The following ADAMTSL1 variants were observed in gnomAD, a reference collection of about 807,000 sequenced individuals.
ADAMTSL1 encodes ADAMTS-like protein 1.
A neutral mutation model predicts 201.8 loss-of-function variants in ADAMTSL1; 126 were observed. That is an observed-to-expected ratio of 0.62 (90% CI 0.54 to 0.72). The LOEUF is 0.72. ADAMTSL1 is among the 30% of genes least tolerant of loss of function. ADAMTSL1 has a pLI of 0.00. For missense variants in ADAMTSL1, 2,679 were observed against 2,277.8 expected, an observed-to-expected ratio of 1.18 and a Z score of -3.59; for synonymous variants, 1,121 against 903.4, an observed-to-expected ratio of 1.24 and a Z score of -4.32.
chr9:18,315,024 C>G (rs1834320697), intron 2 of ADAMTSL1, among the ~76,000 whole-genome samples: 1 of 151,528 alleles, frequency 6.6e-6, no homozygotes, highest in Non-Finnish European at 1.5e-5. Context: ...TCTCGATCTC[C>G]TGACCTCGTG....
At chr9:18,882,991 CAAA>C (rs34408343) in intron 23 of ADAMTSL1, among the ~76,000 whole-genome samples, 3,549 of 113,654 alleles carry the variant, frequency 0.031, 98 homozygotes, top group South Asian at 0.15. Context: ...GAGCCTGCCT[CAAA>C]AAAAAAAAAA....
At chr9:18,062,719 C>T (rs1822514266) in intron 1 of ADAMTSL1, among the ~76,000 whole-genome samples, 1 of 151,680 alleles carries the variant, frequency 6.6e-6, no homozygotes, top group African/African-American at 2.4e-5. Flanking sequence ...ATATTTTATC[C>T]CTTCAATCTG....
At chr9:18,695,660 T>C (rs1184071082) in intron 13 of ADAMTSL1, among the ~76,000 whole-genome samples, 3 of 152,234 alleles carry the variant, frequency 2.0e-5, no homozygotes, top group African/African-American at 7.2e-5. Context: ...ACTAGCATTT[T>C]GATTACAACA....
At chr9:18,139,099 G>A (rs572001877) in intron 1 of ADAMTSL1, among the ~76,000 whole-genome samples, 1 of 152,272 alleles carries the variant, frequency 6.6e-6, no homozygotes, top group South Asian at 2.1e-4. Context: ...ATGTCTTCCT[G>A]TAACATCTTA....
chr9:17,919,485 C>T lies in ADAMTSL1; in HGVS notation c.87+12563C>T, dbSNP rs370439054. On this transcript the variant is annotated intron_variant, in intron 1 of 29. Transcript: ENST00000680146. ...ACCCTTTATATCACCCCCTTACTTC[C>T]CTCCCACCCTAGCCTAAACAACCAC... Among the ~76,000 whole-genome samples the T allele has an allele frequency of 3.0e-4, 46 of 152,008 alleles. No individual in the cohort carries two copies. In the East Asian group the frequency reaches 6.2e-3, roughly 20 times the overall value.
In ADAMTSL1 at chr9:18,635,988, G is replaced by A. The variant is rs201225408; in HGVS notation, c.647G>A (p.Arg216His). Residue 216 changes from arginine (R) to histidine (H), a missense_variant, in exon 6 of 29, where the codon CGC becomes CAC. Transcript: ENST00000380548. ...VAIPYGSRHI[R>H]LVLKGPDHLY... is the part of the protein sequence containing the mutation. ...ATTCCCTATGGAAGTAGACATATTC[G>A]CCTTGTCTTAAAAGGTCCTGATCAC... 1.4e-4 allele frequency: 219 copies of A among 1,602,088 alleles called. 1 individual carries two copies. The East Asian group carries it at 2.6e-3, about 19-fold the overall frequency.
At position 18,646,820 on chromosome 9, in the gene ADAMTSL1, T is replaced by C. The variant is rs1236318708; in HGVS notation, c.834+7409T>C. 4.6e-5 allele frequency among the ~76,000 whole-genome samples: 7 copies of C among 152,136 alleles called. No homozygotes were observed. In the South Asian group the frequency reaches 1.4e-3, roughly 31 times the overall value. On this transcript the variant is annotated intron_variant, in intron 7 of 28. Coordinates refer to ENST00000380548, the MANE Select transcript of ADAMTSL1 (RefSeq NM_001040272.6). ...ATTTTATTGAGGATTTTTGCATCAA[T>C]GTTCATCAAGGATATTGGTCTAAAA... is the stretch of plus-strand genomic sequence containing the variant.
chr9:18,089,792 CT>C (rs1823928230), intron 1 of ADAMTSL1, among the ~76,000 whole-genome samples: 1 of 152,092 alleles, frequency 6.6e-6, no homozygotes. Context: ...ATAGAATATA[CT>C]TTCAGTCACG....
intron 4 of ADAMTSL1, among the ~76,000 whole-genome samples, chr9:18,608,760 G>T (rs1825192096): frequency 6.6e-6 from 1 of 152,044 alleles, no homozygotes; most frequent in South Asian, 2.1e-4. Context: ...AAATCAGCCA[G>T]CTCACTTTTC....
intron 2 of ADAMTSL1, among the ~76,000 whole-genome samples, chr9:18,274,027 A>C (rs4355888): frequency 0.31 from 47,751 of 152,102 alleles, 9,378 homozygotes; most frequent in South Asian, 0.45. Flanking sequence ...TGACCTATTT[A>C]AACTTTAGGT....
chr9:18,674,160 T>G (rs931719708), intron 9 of ADAMTSL1, among the ~76,000 whole-genome samples: 2 of 151,582 alleles, frequency 1.3e-5, no homozygotes, highest in Non-Finnish European at 2.9e-5. Flanking sequence ...AGCATCCCTT[T>G]TCTTATACAT....
chr9:18,061,430 A>C (rs1225055717), intron 1 of ADAMTSL1, among the ~76,000 whole-genome samples: 1 of 152,174 alleles, frequency 6.6e-6, no homozygotes, highest in African/African-American at 2.4e-5. Flanking sequence ...AAGTGGTACT[A>C]TGAACTCTTT....
chr9:18,417,815 C>G (rs147501311), intron 2 of ADAMTSL1, among the ~76,000 whole-genome samples: 4 of 152,302 alleles, frequency 2.6e-5, no homozygotes, highest in Non-Finnish European at 4.4e-5. Flanking sequence ...AATAACACCA[C>G]GTCTACCCAA....
intron 14 of ADAMTSL1, among the ~76,000 whole-genome samples, chr9:18,711,196 A>G (rs1037062649): frequency 6.6e-6 from 1 of 152,260 alleles, no homozygotes; most frequent in Non-Finnish European, 1.5e-5. Flanking sequence ...ATTGTTCCTT[A>G]TGTAAACAGA....
chr9:17,955,571 C>G (rs958046069), intron 1 of ADAMTSL1, among the ~76,000 whole-genome samples: 5 of 152,150 alleles, frequency 3.3e-5, no homozygotes, highest in Admixed American at 3.3e-4. Context: ...TTTTAAATTA[C>G]ACCACTTCTG....
intron 2 of ADAMTSL1, among the ~76,000 whole-genome samples, chr9:18,354,048 C>CATATATAT (rs10623938): frequency 2.4e-4 from 34 of 142,574 alleles, no homozygotes; most frequent in East Asian, 8.2e-4. Flanking sequence ...TTTTTCTATA[C>CATATATAT]ATATATATAT....
rs890950152 is a variant in ADAMTSL1 at position 18,657,716 on chromosome 9, G to A, written c.912G>A (p.Thr304=). The A allele has an allele frequency of 4.3e-6, 7 of 1,614,180 alleles. No homozygotes were observed. Among genetic ancestry groups the A allele is most frequent in the Admixed American group, 3.3e-5 (2 of 60,034 alleles). ...CCATCATCCACCGATGGAGGGAGACGGATTTCTTTCCTTGCTCAGCAACCT... is the reference window on the plus strand; with the variant it reads ...CCATCATCCACCGATGGAGGGAGACAGATTTCTTTCCTTGCTCAGCAACCT... The part of the protein sequence containing the change: ...YQPIIHRWRE[T]DFFPCSATCG... The change falls in exon 8 of 29, where the codon ACG becomes ACA. Residue 304 remains threonine, a synonymous_variant. Coordinates refer to ENST00000380548, the MANE Select transcript of ADAMTSL1 (RefSeq NM_001040272.6).
chr9:18,713,858 T>C (rs1180313642), intron 14 of ADAMTSL1, among the ~76,000 whole-genome samples: 1 of 148,080 alleles, frequency 6.8e-6, no homozygotes, highest in Non-Finnish European at 1.5e-5. Context: ...AGTAAAGCTC[T>C]CCTCAGCAAA....
intron 1 of ADAMTSL1, among the ~76,000 whole-genome samples, chr9:18,077,329 A>G (rs1390740629): frequency 6.6e-6 from 1 of 152,226 alleles, no homozygotes; most frequent in Non-Finnish European, 1.5e-5. Flanking sequence ...GCAGAGACCC[A>G]GAGGCAAGCC....
Sources: allele counts gnomAD v4.1 joint callset (sites outside exome capture counted in the v4.1 genomes callset), GRCh38; gene constraint gnomAD v4.1.1; transcripts MANE v1.5; gene names NCBI Gene and HGNC (gene_info 2026-07-23, HGNC 2026-07-21).